The following PIK3AP1 variants were observed in gnomAD, a reference collection of about 807,000 sequenced individuals.
PIK3AP1 encodes the protein phosphoinositide 3-kinase adapter protein 1.
Under a neutral mutation model 88.1 loss-of-function variants are expected in PIK3AP1, and 21 were observed. The observed-to-expected ratio is 0.24, with a 90% CI of 0.17 to 0.34. PIK3AP1 has a LOEUF of 0.34. PIK3AP1 is among the 10% of genes least tolerant of loss of function. The probability of loss-of-function intolerance (pLI) is 1.00; values close to 1 mark genes in which losing one functional copy is unlikely to be tolerated. For synonymous variants in PIK3AP1, 398 were observed against 400.0 expected, an observed-to-expected ratio of 1.00 and a Z score of 0.06; for missense variants, 828 against 1,035.7, an observed-to-expected ratio of 0.80 and a Z score of 2.75.
intron 2 of PIK3AP1, among the ~76,000 whole-genome samples, chr10:96,668,120 G>T (rs1843791360): frequency 6.6e-6 from 1 of 152,148 alleles, no homozygotes; most frequent in Non-Finnish European, 1.5e-5. Flanking sequence ...GGTGATGGCT[G>T]CGCAACATTG....
At chr10:96,675,396 C>T (rs1405206616) in intron 2 of PIK3AP1, among the ~76,000 whole-genome samples, 2 of 152,134 alleles carry the variant, frequency 1.3e-5, no homozygotes, top group African/African-American at 4.8e-5. Flanking sequence ...GCAAATCTTG[C>T]GTCTTCCGGA....
At chr10:96,611,795 G>A (rs189059106) in intron 13 of PIK3AP1, among the ~76,000 whole-genome samples, 70 of 152,124 alleles carry the variant, frequency 4.6e-4, no homozygotes, top group African/African-American at 1.5e-3. Context: ...GGGAGATTCC[G>A]GTCTGCTTAA....
chr10:96,702,976 G>A (rs1399762229), intron 2 of PIK3AP1, among the ~76,000 whole-genome samples: 3 of 152,010 alleles, frequency 2.0e-5, no homozygotes, highest in African/African-American at 4.8e-5. Context: ...TCCAGGGCTC[G>A]AGCAATCTTC....
chr10:96,652,127 G>T (rs1450754057), intron 4 of PIK3AP1, among the ~76,000 whole-genome samples: 1 of 152,112 alleles, frequency 6.6e-6, no homozygotes, highest in Non-Finnish European at 1.5e-5. Flanking sequence ...CTATACCACA[G>T]GAAGGGGTTT....
At chr10:96,718,401 G>A (rs1844530258) in intron 1 of PIK3AP1, among the ~76,000 whole-genome samples, 1 of 152,224 alleles carries the variant, frequency 6.6e-6, no homozygotes, top group African/African-American at 2.4e-5. Flanking sequence ...GAGCGGCATT[G>A]CTCTCACCAC....
rs149140417 is a variant in PIK3AP1, at chr10:96,639,428, A to T, written c.1375+6045T>A. Among the ~76,000 whole-genome samples the T allele has an allele frequency of 4.1e-3, 618 of 152,230 alleles. 4 individuals carry two copies. Among genetic ancestry groups the T allele is most frequent in the African/African-American group, 0.014 (592 of 41,514 alleles). On this transcript the variant is annotated intron_variant, in intron 8 of 16. Coordinates refer to ENST00000339364, the MANE Select transcript of PIK3AP1 (RefSeq NM_152309.3). ...ACGTATATAACTAGAGCCCAAGGGG[A>T]TGTGTGTGCAGTGTCCCAAGGTAAG...
chr10:96,672,650 G>A (rs1181229144), intron 2 of PIK3AP1, among the ~76,000 whole-genome samples: 1 of 145,784 alleles, frequency 6.9e-6, no homozygotes, highest in Admixed American at 6.8e-5. Context: ...AGCAAAAATA[G>A]CAAAACATCT....
chr10:96,679,518 A>T (rs2134261876), intron 2 of PIK3AP1, among the ~76,000 whole-genome samples: 1 of 150,486 alleles, frequency 6.6e-6, no homozygotes, highest in African/African-American at 2.4e-5. Flanking sequence ...ACAGAGCAAG[A>T]CTCCGTCTCA....
rs1257813654 is a variant in PIK3AP1 at position 96,652,710 on chromosome 10, C to T, written c.700G>A (p.Val234Met). 6.2e-7 allele frequency: 1 copy of T among 1,614,154 alleles called. No individual in the cohort carries two copies. ...GGGGACTACTTACTGGGAGCCTTCACTGAAATGGTGTACTCATTCTCCACC... is the reference window on the plus strand; with the variant it reads ...GGGGACTACTTACTGGGAGCCTTCATTGAAATGGTGTACTCATTCTCCACC... ...AKVENEYTIS[V>M]KAPNLSSGNV... The change falls in exon 4 of 17, where the codon GTG becomes ATG. Residue 234 changes from valine (V) to methionine (M), a missense_variant. Physicochemically the swap from Val to Met is conservative, Grantham distance 21. Around this residue, in one of 3 missense-constraint regions of PIK3AP1, gnomAD observed 610 missense variants for 760.1 expected, o/e 0.80. Coordinates refer to ENST00000339364, the MANE Select transcript of PIK3AP1 (RefSeq NM_152309.3).
intron 1 of PIK3AP1, among the ~76,000 whole-genome samples, chr10:96,719,884 T>G (rs188454800): frequency 0.012 from 1,900 of 152,114 alleles, 40 homozygotes; most frequent in African/African-American, 0.044. Context: ...ACACAAAGCC[T>G]GGGAGGGGTG....
chr10:96,620,329 AAAT>A lies in PIK3AP1; in HGVS notation c.1941+20_1941+22del. 6.2e-7 allele frequency: 1 copy of A among 1,611,668 alleles called. No homozygotes were observed. The highest frequency in any genetic ancestry group is 8.5e-7 in the Non-Finnish European group (1 of 1,178,060). On this transcript the variant is annotated intron_variant, in intron 12 of 16. Transcript: ENST00000339364. ...TCAAGTGGGGAAATAGACATGAAAC[AAAT>A]TCCATACGAAGCTAGTTACCTGCTG...
intron 2 of PIK3AP1, among the ~76,000 whole-genome samples, chr10:96,675,903 T>C (rs1231392038): frequency 6.6e-6 from 1 of 152,210 alleles, no homozygotes; most frequent in East Asian, 1.9e-4. Flanking sequence ...ATTAGAATTG[T>C]ATAAGGCCAT....
chr10:96,648,927 G>T, intron 6 of PIK3AP1, 72 bp from the exon 7 acceptor site: 2 of 1,329,016 alleles, frequency 1.5e-6, no homozygotes, highest in South Asian at 3.2e-5. Context: ...TCATGGAGAT[G>T]AAGCTGCCAA....
chr10:96,677,578 T>TACACACACACACACAC (rs35018772), intron 2 of PIK3AP1, among the ~76,000 whole-genome samples: 1 of 121,112 alleles, frequency 8.3e-6, no homozygotes, highest in Non-Finnish European at 1.8e-5. Context: ...ACTAAGCACA[T>TACACACACACACACAC]ACACACACAC....
intron 15 of PIK3AP1, among the ~76,000 whole-genome samples, chr10:96,602,621 A>C (rs1403648795): frequency 6.6e-6 from 1 of 152,152 alleles, no homozygotes; most frequent in African/African-American, 2.4e-5. Flanking sequence ...TAATTGCCTG[A>C]ATTCTAATTC....
intron 13 of PIK3AP1, among the ~76,000 whole-genome samples, chr10:96,614,649 C>T (rs1849184168): frequency 6.6e-6 from 1 of 151,974 alleles, no homozygotes; most frequent in African/African-American, 2.4e-5. Flanking sequence ...AAAGCCAGAC[C>T]TGTGTGAATA....
chr10:96,642,873 T>C (rs979308532), intron 8 of PIK3AP1, among the ~76,000 whole-genome samples: 1 of 152,192 alleles, frequency 6.6e-6, no homozygotes, highest in Admixed American at 6.5e-5. Flanking sequence ...TAAGGCTCTG[T>C]CAACACTAAA....
intron 15 of PIK3AP1, among the ~76,000 whole-genome samples, chr10:96,603,512 C>G (rs921454257): frequency 6.6e-6 from 1 of 152,090 alleles, no homozygotes; most frequent in African/African-American, 2.4e-5. Flanking sequence ...CTGGCTTAGC[C>G]TCCCAGCCTA....
At chr10:96,672,462 A>G (rs1210578058) in intron 2 of PIK3AP1, among the ~76,000 whole-genome samples, 1 of 152,224 alleles carries the variant, frequency 6.6e-6, no homozygotes, top group Non-Finnish European at 1.5e-5. Flanking sequence ...ACAGGAGGAA[A>G]GATGACCTTA....
Sources: gnomAD v4.1 joint callset for allele counts (sites outside exome capture counted in the v4.1 genomes callset) on GRCh38, gnomAD v4.1.1 for gene constraint, gnomAD v4.1.1 regional missense constraint, MANE v1.5 for transcripts, NCBI Gene and HGNC (gene_info 2026-07-23, HGNC 2026-07-21) for gene names.